CCSER1: variants seen among roughly 807,000 people sequenced by gnomAD.
CCSER1 encodes the protein coiled-coil serine rich protein 1.
In CCSER1, 41 loss-of-function variants were observed where a neutral mutation model predicts 82.0. The observed-to-expected ratio is 0.50, with a 90% confidence interval of 0.39 to 0.65. CCSER1 has a LOEUF of 0.65. CCSER1 is among the 30% of genes least tolerant of loss of function. The pLI is 0.00. For missense variants in CCSER1, 1,119 were observed against 1,064.2 expected (o/e 1.05, Z -0.72); for synonymous variants, 414 against 383.9 (o/e 1.08, Z -0.92).
chr4:90,551,041 A>T (rs917512523), intron 5 of CCSER1, among the ~76,000 whole-genome samples: 1 of 152,114 alleles, frequency 6.6e-6, no homozygotes, highest in Admixed American at 6.5e-5. Context: ...TCTACCTAGC[A>T]CTATTTTTCT....
At chr4:91,454,195 T>G (rs1756019189) in intron 10 of CCSER1, among the ~76,000 whole-genome samples, 1 of 152,096 alleles carries the variant, frequency 6.6e-6, no homozygotes, top group Non-Finnish European at 1.5e-5. Flanking sequence ...TCTCTTACAG[T>G]TCTGGAAATC....
intron 7 of CCSER1, among the ~76,000 whole-genome samples, chr4:90,776,095 T>G (rs544327052): frequency 6.6e-6 from 1 of 152,134 alleles, no homozygotes; most frequent in Non-Finnish European, 1.5e-5. Context: ...AAGTACCAGA[T>G]AGTAAATTTT....
intron 9 of CCSER1, among the ~76,000 whole-genome samples, chr4:91,029,436 C>A (rs1230960646): frequency 2.6e-5 from 4 of 151,874 alleles, no homozygotes; most frequent in Non-Finnish European, 4.4e-5. Flanking sequence ...TTTTGAAAAG[C>A]AGGGGGAATG....
chr4:90,157,513 A>G (rs1269886503), intron 1 of CCSER1, among the ~76,000 whole-genome samples: 2 of 152,190 alleles, frequency 1.3e-5, no homozygotes, highest in South Asian at 2.1e-4. Context: ...AGATACACCA[A>G]TCAGACGTAG....
intron 10 of CCSER1, among the ~76,000 whole-genome samples, chr4:91,549,039 C>T: frequency 1.3e-5 from 2 of 151,922 alleles, no homozygotes; most frequent in Middle Eastern, 6.8e-3. Context: ...ACATTCTTTT[C>T]TGTTTGTTTG....
chr4:91,013,377 A>G (rs1739154445), intron 9 of CCSER1, among the ~76,000 whole-genome samples: 1 of 133,168 alleles, frequency 7.5e-6, no homozygotes, highest in African/African-American at 2.5e-5. Flanking sequence ...ATTTGACTAT[A>G]TATGCATAAG....
At chr4:90,410,695 C>T (rs1262357717) in intron 4 of CCSER1, among the ~76,000 whole-genome samples, 1 of 152,038 alleles carries the variant, frequency 6.6e-6, no homozygotes, top group African/African-American at 2.4e-5. Flanking sequence ...CTAAAATTGA[C>T]ACCCTAACAT....
intron 10 of CCSER1, among the ~76,000 whole-genome samples, chr4:91,420,629 C>T (rs1449076475): frequency 6.6e-6 from 1 of 152,064 alleles, no homozygotes; most frequent in East Asian, 1.9e-4. Flanking sequence ...GAAAACAATG[C>T]AGTTTCTTCA....
At chr4:90,496,322 T>A (rs936096978) in intron 5 of CCSER1, among the ~76,000 whole-genome samples, 1 of 152,202 alleles carries the variant, frequency 6.6e-6, no homozygotes, top group Non-Finnish European at 1.5e-5. Flanking sequence ...GAAAAAATTA[T>A]ACTCAAACTT....
chr4:90,924,888 G>A (rs1395654339), intron 9 of CCSER1, among the ~76,000 whole-genome samples: 3 of 152,082 alleles, frequency 2.0e-5, no homozygotes, highest in Admixed American at 6.5e-5. Flanking sequence ...CATCACTGCC[G>A]GCTACTGTTT....
chr4:90,273,746 C>A (rs1355779290), intron 1 of CCSER1, among the ~76,000 whole-genome samples: 1 of 152,062 alleles, frequency 6.6e-6, no homozygotes, highest in African/African-American at 2.4e-5. Context: ...ACAAGCCAAA[C>A]TAGTAGGGAT....
intron 8 of CCSER1, among the ~76,000 whole-genome samples, chr4:90,853,739 T>C: frequency 6.6e-6 from 1 of 152,154 alleles, no homozygotes; most frequent in East Asian, 1.9e-4. Context: ...TAATACATAG[T>C]GTTTCTGATC....
At chr4:91,102,799 T>A (rs562974106) in intron 10 of CCSER1, among the ~76,000 whole-genome samples, 4 of 152,228 alleles carry the variant, frequency 2.6e-5, no homozygotes, top group Non-Finnish European at 4.4e-5. Flanking sequence ...TCCAGATGGT[T>A]GAACTGATTC....
chr4:90,682,400 C>T (rs1579896317), intron 6 of CCSER1, among the ~76,000 whole-genome samples: 1 of 151,636 alleles, frequency 6.6e-6, no homozygotes, highest in Non-Finnish European at 1.5e-5. Flanking sequence ...TATATCATGG[C>T]CTGGTGAATG....
At chr4:91,057,265 T>G (rs561813594) in intron 9 of CCSER1, among the ~76,000 whole-genome samples, 3 of 152,184 alleles carry the variant, frequency 2.0e-5, no homozygotes, top group East Asian at 3.9e-4. Context: ...TGATGAAAAT[T>G]CATGGTTCAA....
At chr4:91,557,941 A>T (rs1167554275) in intron 10 of CCSER1, among the ~76,000 whole-genome samples, 1 of 151,298 alleles carries the variant, frequency 6.6e-6, no homozygotes, top group Non-Finnish European at 1.5e-5. Flanking sequence ...ATCATGTTAT[A>T]CTAGGACCAT....
At chr4:90,524,075 A>G (rs1278976074) in intron 5 of CCSER1, among the ~76,000 whole-genome samples, 1 of 152,192 alleles carries the variant, frequency 6.6e-6, no homozygotes, top group Non-Finnish European at 1.5e-5. Context: ...ACATATATTT[A>G]TGAGACTAGG....
intron 1 of CCSER1, among the ~76,000 whole-genome samples, chr4:90,206,787 G>A: frequency 1.2e-5 from 1 of 83,712 alleles, no homozygotes; most frequent in African/African-American, 7.5e-5. Flanking sequence ...TAATATTAAA[G>A]TCTCCCACTA....
chr4:90,995,903 T>C (rs1737452857), intron 9 of CCSER1, among the ~76,000 whole-genome samples: 1 of 152,118 alleles, frequency 6.6e-6, no homozygotes, highest in South Asian at 2.1e-4. Flanking sequence ...TAATTTGATT[T>C]AACTATACAG....
Sources: gnomAD v4.1 joint callset for allele counts (sites outside exome capture counted in the v4.1 genomes callset) on GRCh38, gnomAD v4.1.1 for gene constraint, MANE v1.5 for transcripts, NCBI Gene and HGNC (gene_info 2026-07-23, HGNC 2026-07-21) for gene names.